CTIF: variants seen among roughly 807,000 people sequenced by gnomAD.
The protein encoded by CTIF is CBP80/20-dependent translation initiation factor.
A neutral mutation model predicts 66.0 loss-of-function variants in CTIF; 21 were observed. The ratio of observed to expected loss-of-function variants is 0.32; its 90% CI spans 0.23 to 0.46. CTIF has a LOEUF of 0.46. Ranked by LOEUF, CTIF falls within the 20% of genes least tolerant of loss-of-function variation. The pLI is 1.00. For synonymous variants in CTIF, 345 were observed against 326.4 expected (o/e 1.06, Z -0.62); for missense variants, 739 against 812.7 (o/e 0.91, Z 1.10).
Position 48,859,410 on chromosome 18 carries a change from G to T in CTIF, c.1648G>T (p.Ala550Ser). ...PEMMTELLASARDKMLCPSES... is the reference protein window; with the variant it reads ...PEMMTELLASSRDKMLCPSES... ...GATGATGACAGAGCTCCTGGCCAGC[G>T]CACGGGACAAGATGCTGTGCCCCTC... The change falls in exon 12 of 12, where the codon GCA (alanine) becomes TCA (serine). Residue 550 changes from alanine to serine, a missense_variant. Ala to Ser is a moderately conservative substitution (Grantham distance 99). This residue lies in a region of CTIF where 210 missense variants were observed against 292.3 expected (regional missense o/e 0.72). Transcript: ENST00000256413. The T allele has an allele frequency of 1.2e-6, 2 of 1,614,126 alleles. No individual in the cohort carries two copies. Among genetic ancestry groups the T allele is most frequent in the Non-Finnish European group, 1.7e-6 (2 of 1,180,024 alleles).
intron 3 of CTIF, among the ~76,000 whole-genome samples, chr18:48,656,682 CT>C (rs112489961): frequency 2.6e-5 from 4 of 152,250 alleles, no homozygotes; most frequent in Admixed American, 6.5e-5. Flanking sequence ...ATGGGGCCCC[CT>C]AATTGCCAAT....
chr18:48,653,796 T>C (rs957999909), intron 3 of CTIF, among the ~76,000 whole-genome samples: 6 of 152,004 alleles, frequency 3.9e-5, no homozygotes, highest in Non-Finnish European at 5.9e-5. Flanking sequence ...CAATGGAACA[T>C]AACAGAGGCC....
intron 1 of CTIF, among the ~76,000 whole-genome samples, chr18:48,577,961 C>T (rs2089570709): frequency 1.3e-5 from 2 of 152,212 alleles, no homozygotes; most frequent in South Asian, 4.1e-4. Flanking sequence ...CTTTTACGCC[C>T]ATTACCATAA....
chr18:48,705,874 T>C (rs1168130371), intron 6 of CTIF, among the ~76,000 whole-genome samples: 7 of 152,272 alleles, frequency 4.6e-5, no homozygotes, highest in African/African-American at 1.7e-4. Context: ...GTCCTTCCTA[T>C]GGGCCGCCAG....
At chr18:48,643,178 G>C (rs776558221) in intron 3 of CTIF, among the ~76,000 whole-genome samples, 1 of 152,192 alleles carries the variant, frequency 6.6e-6, no homozygotes, top group Non-Finnish European at 1.5e-5. Context: ...CTAGGGTAAC[G>C]CTTAGCTCTC....
At chr18:48,634,975 A>G (rs907363673) in intron 2 of CTIF, among the ~76,000 whole-genome samples, 1 of 152,168 alleles carries the variant, frequency 6.6e-6, no homozygotes, top group Admixed American at 6.5e-5. Flanking sequence ...TAGATTAAAT[A>G]TAATATATTA....
chr18:48,617,027 A>G (rs2090412571), intron 1 of CTIF, among the ~76,000 whole-genome samples: 1 of 152,260 alleles, frequency 6.6e-6, no homozygotes, highest in Non-Finnish European at 1.5e-5. Context: ...ACAGCGTCTC[A>G]TGAGACTGAA....
At chr18:48,586,242 A>G (rs1333855004) in intron 1 of CTIF, among the ~76,000 whole-genome samples, 1 of 151,840 alleles carries the variant, frequency 6.6e-6, no homozygotes, top group Non-Finnish European at 1.5e-5. Flanking sequence ...TGTTTCCCCA[A>G]CAATGGCGAT....
At chr18:48,647,162 G>A (rs1713708177) in intron 3 of CTIF, among the ~76,000 whole-genome samples, 1 of 152,194 alleles carries the variant, frequency 6.6e-6, no homozygotes, top group South Asian at 2.1e-4. Context: ...AGGAGTCTCT[G>A]GAAATCATGC....
At chr18:48,600,519 T>A (rs1300032982) in intron 1 of CTIF, among the ~76,000 whole-genome samples, 1 of 152,066 alleles carries the variant, frequency 6.6e-6, no homozygotes, top group Non-Finnish European at 1.5e-5. Context: ...AGAGCCCATC[T>A]CTCATTCGCC....
chr18:48,622,007 T>C (rs760666063), intron 2 of CTIF, among the ~76,000 whole-genome samples: 3 of 152,148 alleles, frequency 2.0e-5, no homozygotes, highest in Non-Finnish European at 4.4e-5. Context: ...CTGTGGTTTC[T>C]CTCCAGCGGC....
chr18:48,831,876 A>T (rs530844077), intron 10 of CTIF, among the ~76,000 whole-genome samples: 74 of 152,224 alleles, frequency 4.9e-4, no homozygotes, highest in Non-Finnish European at 8.5e-4. Flanking sequence ...CACTGAAAGC[A>T]GCTCTCAATT....
At chr18:48,654,985 CA>C (rs1350200581) in intron 3 of CTIF, among the ~76,000 whole-genome samples, 3 of 151,148 alleles carry the variant, frequency 2.0e-5, no homozygotes, top group Non-Finnish European at 4.4e-5. Context: ...GGGTGGGGGG[CA>C]GGGGGAGAGA....
chr18:48,676,711 T>C (rs2091635649), intron 6 of CTIF, among the ~76,000 whole-genome samples: 1 of 151,882 alleles, frequency 6.6e-6, no homozygotes, highest in Non-Finnish European at 1.5e-5. Flanking sequence ...CTTTCTGGCC[T>C]CCTGAGCCTG....
chr18:48,805,025 A>G (rs1286792447), intron 9 of CTIF, among the ~76,000 whole-genome samples: 3 of 152,212 alleles, frequency 2.0e-5, no homozygotes, highest in Non-Finnish European at 2.9e-5. Context: ...ACATTGCTAA[A>G]TCCTTTTCTG....
In CTIF at chr18:48,761,744, G is replaced by A; in HGVS notation, c.1371+55G>A. ...CGCCCCCTGCCCCTCTGCGTTCGGTGAGTTATTCCTAGCGAGAAGGCTGCG... is the reference window on the plus strand; with the variant it reads ...CGCCCCCTGCCCCTCTGCGTTCGGTAAGTTATTCCTAGCGAGAAGGCTGCG... On this transcript the variant is annotated intron_variant, in intron 9 of 11. Transcript: ENST00000256413. The surrounding 1 kb of genome is among the most constrained non-coding windows in gnomAD (Gnocchi z 4.2). The A allele has an allele frequency of 6.5e-7, 1 of 1,528,650 alleles. No individual in the cohort carries two copies. Among genetic ancestry groups the A allele is most frequent in the Non-Finnish European group, 8.9e-7 (1 of 1,120,756 alleles). The allele number at this position is 1,528,650 out of a possible 1,614,324, so 94.7% of individuals were successfully genotyped here.
At position 48,860,788 on chromosome 18, in the gene CTIF, C is replaced by T. The variant is rs1464953158; in HGVS notation, c.*1229C>T. On this transcript the variant is annotated 3_prime_UTR_variant, in exon 12 of 12. Coordinates refer to ENST00000256413, the MANE Select transcript of CTIF (RefSeq NM_014772.3). Reference sequence around the variant, plus strand: ...TGGGAAAGGGGTGAATTCACTGGGTCATGGAAGGGACAGTCAGGTGACCAG... The same window carrying T: ...TGGGAAAGGGGTGAATTCACTGGGTTATGGAAGGGACAGTCAGGTGACCAG... The T allele has an allele frequency of 6.6e-6, 1 of 152,272 alleles. No homozygotes were observed. The highest frequency in any genetic ancestry group is 1.5e-5 in the Non-Finnish European group (1 of 68,074). 9.4% of individuals were successfully genotyped at this position (152,272 alleles called of 1,614,324 possible). A position where few individuals can be genotyped will look rare whatever the true frequency, so the allele number is the denominator to read the frequency against.
At chr18:48,741,570 A>G (rs1225315297) in intron 7 of CTIF, among the ~76,000 whole-genome samples, 1 of 151,878 alleles carries the variant, frequency 6.6e-6, no homozygotes, top group East Asian at 1.9e-4. Context: ...TTACAGGCAT[A>G]TACCACCATG....
intron 1 of CTIF, among the ~76,000 whole-genome samples, chr18:48,573,890 G>T (rs1346579015): frequency 6.6e-6 from 1 of 152,258 alleles, no homozygotes; most frequent in Non-Finnish European, 1.5e-5. Flanking sequence ...GGCCGCCTCT[G>T]TATCAGGTGC....
Sources: allele counts gnomAD v4.1 joint callset (sites outside exome capture counted in the v4.1 genomes callset), GRCh38; gene constraint gnomAD v4.1.1; regional missense constraint gnomAD v4.1.1; non-coding constraint Gnocchi (gnomAD v3.1); transcripts MANE v1.5; gene names NCBI Gene and HGNC (gene_info 2026-07-23, HGNC 2026-07-21).